The following AP2B1 variants were observed in gnomAD, a reference collection of about 807,000 sequenced individuals.
The protein encoded by AP2B1 is AP-2 complex subunit beta.
In AP2B1, 23 loss-of-function variants were observed where a neutral mutation model predicts 102.0. That is an observed-to-expected ratio of 0.23 (90% CI 0.16 to 0.32). The LOEUF (loss-of-function observed/expected upper bound fraction) is 0.32. AP2B1 is among the 10% of genes least tolerant of loss of function. The pLI is 1.00. For synonymous variants in AP2B1, 381 were observed against 421.2 expected, an observed-to-expected ratio of 0.90 and a Z score of 1.17; for missense variants, 541 against 1,157.4, an observed-to-expected ratio of 0.47 and a Z score of 7.73.
At position 35,670,833 on chromosome 17, in the gene AP2B1, C is replaced by G. The variant is rs749220726; in HGVS notation, c.1990-24C>G. ...GCTAAATGAACTCTACCTCTCTCTCCTCTCTCTCCTTTCTCTCTTTCAGCT... is the reference window on the plus strand; with the variant it reads ...GCTAAATGAACTCTACCTCTCTCTCGTCTCTCTCCTTTCTCTCTTTCAGCT... On this transcript the variant is annotated intron_variant, in intron 14 of 21. Coordinates refer to ENST00000610402, the MANE Select transcript of AP2B1 (RefSeq NM_001030006.2). 1.6e-5 allele frequency: 26 copies of G among 1,613,110 alleles called. 1 individual carries two copies. In the Middle Eastern group the frequency reaches 3.6e-3, roughly 224 times the overall value.
intron 5 of AP2B1, among the ~76,000 whole-genome samples, chr17:35,612,349 C>T (rs558065192): frequency 3.9e-5 from 6 of 152,302 alleles, no homozygotes; most frequent in South Asian, 4.1e-4. Flanking sequence ...CCTTGTTACA[C>T]ATACTCATAT....
intron 14 of AP2B1, chr17:35,659,818 T>G (rs1017874451): frequency 2.0e-6 from 2 of 985,438 alleles, no homozygotes; most frequent in Non-Finnish European, 2.4e-6. Context: ...GATTGAAAGA[T>G]ATCCCAGAAA....
At chr17:35,597,789 C>T (rs1468043200) in intron 2 of AP2B1, among the ~76,000 whole-genome samples, 1 of 152,210 alleles carries the variant, frequency 6.6e-6, no homozygotes, top group Non-Finnish European at 1.5e-5. Context: ...TTGTCACTGA[C>T]TCTGTGAACT....
chr17:35,678,528 G>A (rs934196622), intron 17 of AP2B1, among the ~76,000 whole-genome samples: 1 of 152,172 alleles, frequency 6.6e-6, no homozygotes, highest in Non-Finnish European at 1.5e-5. Context: ...GCTTGAGGAA[G>A]TTTCATTCTG....
chr17:35,598,366 T>C, intron 3 of AP2B1, 31 bp downstream of exon 3: 1 of 1,428,648 alleles, frequency 7.0e-7, no homozygotes, highest in Non-Finnish European at 9.7e-7. Flanking sequence ...CATTGATCAC[T>C]TCAGAGGTCC....
At chr17:35,672,559 T>C (rs1338977475) in intron 16 of AP2B1, among the ~76,000 whole-genome samples, 1 of 152,212 alleles carries the variant, frequency 6.6e-6, no homozygotes, top group Non-Finnish European at 1.5e-5. Context: ...TGACTCCTTA[T>C]GGGGGATCCC....
In AP2B1 at chr17:35,710,320, G is replaced by A; in HGVS notation, c.2626G>A (p.Asp876Asn). ...GATTAAGGAATGTCATTTAAATGCT[G>A]GTGAGTAATATACTCTAAATTTCAG... Reference protein sequence around the residue: ...FQIKECHLNADTVSSKLQNNN... With the variant: ...FQIKECHLNANTVSSKLQNNN... The change falls in exon 20 of 22, where the codon GAC becomes AAC. Residue 876 changes from aspartate to asparagine, a missense_variant and splice_region_variant. Coordinates refer to ENST00000610402, the MANE Select transcript of AP2B1 (RefSeq NM_001030006.2). The A allele has an allele frequency of 6.3e-7, 1 of 1,581,540 alleles. No individual in the cohort carries two copies. Among genetic ancestry groups the A allele is most frequent in the Non-Finnish European group, 8.7e-7 (1 of 1,150,948 alleles).
intron 20 of AP2B1, 81 bp downstream of exon 20, chr17:35,710,401 C>A (rs3760325): frequency 0.038 from 35,676 of 926,998 alleles, 1,458 homozygotes; most frequent in East Asian, 0.17. Context: ...CTTTTGCCTA[C>A]CCTTTTATCC....
intron 14 of AP2B1, among the ~76,000 whole-genome samples, chr17:35,659,447 A>C (rs964910155): frequency 3.3e-5 from 5 of 152,130 alleles, no homozygotes; most frequent in Non-Finnish European, 5.9e-5. Context: ...GCTCATGCCA[A>C]CTCCAAAACC....
intron 14 of AP2B1, among the ~76,000 whole-genome samples, chr17:35,665,115 T>C (rs1427825550): frequency 6.8e-6 from 1 of 148,124 alleles, no homozygotes; most frequent in African/African-American, 2.5e-5. Context: ...TTATGATGCT[T>C]TTTGGAATAG....
At chr17:35,711,614 G>T (rs1030631499) in intron 20 of AP2B1, among the ~76,000 whole-genome samples, 1 of 151,916 alleles carries the variant, frequency 6.6e-6, no homozygotes, top group Non-Finnish European at 1.5e-5. Context: ...GACTACAGGC[G>T]CCAGCCACCA....
At position 35,664,921 on chromosome 17, in the gene AP2B1, C is replaced by T. The variant is rs77449392; in HGVS notation, c.1990-5936C>T. On this transcript the variant is annotated intron_variant, in intron 14 of 21. Coordinates refer to ENST00000610402, the MANE Select transcript of AP2B1 (RefSeq NM_001030006.2). ...TTTTGTCTTACATCAGGAAGTAATC[C>T]GTTCCATCCCCCTACTTTTCCACTG... 7.2e-5 allele frequency among the ~76,000 whole-genome samples: 11 copies of T among 152,172 alleles called. No individual in the cohort carries two copies. In the East Asian group the frequency reaches 1.7e-3, roughly 24 times the overall value.
chr17:35,708,081 T>G (rs1382196832), intron 18 of AP2B1, among the ~76,000 whole-genome samples: 5 of 152,168 alleles, frequency 3.3e-5, no homozygotes, highest in African/African-American at 9.7e-5. Context: ...ATAGCCACAG[T>G]TTTAAGAGGT....
At chr17:35,672,133 G>A (rs1485410836) in intron 16 of AP2B1, among the ~76,000 whole-genome samples, 1 of 152,080 alleles carries the variant, frequency 6.6e-6, no homozygotes, top group Non-Finnish European at 1.5e-5. Flanking sequence ...AATTATTTGA[G>A]TTTTGTTCTC....
intron 5 of AP2B1, among the ~76,000 whole-genome samples, chr17:35,610,617 A>C (rs1044306645): frequency 5.3e-5 from 8 of 150,088 alleles, no homozygotes; most frequent in African/African-American, 1.7e-4. Flanking sequence ...TTTTTAAAAA[A>C]TTCGGTGGGG....
At chr17:35,666,637 A>G (rs938965497) in intron 14 of AP2B1, among the ~76,000 whole-genome samples, 4 of 152,210 alleles carry the variant, frequency 2.6e-5, no homozygotes, top group African/African-American at 4.8e-5. Flanking sequence ...GACACCTCCA[A>G]GAGACACTTA....
At chr17:35,659,321 G>A (rs1013131626) in intron 14 of AP2B1, among the ~76,000 whole-genome samples, 3 of 152,164 alleles carry the variant, frequency 2.0e-5, no homozygotes, top group Non-Finnish European at 4.4e-5. Flanking sequence ...CAAAGTTCAA[G>A]GGATAGAGGG....
chr17:35,674,456 C>A, intron 17 of AP2B1, 135 bp downstream of exon 17: 2 of 1,101,002 alleles, frequency 1.8e-6, no homozygotes, highest in South Asian at 3.3e-5. Flanking sequence ...ATAATCCCAG[C>A]ATTTGGGAGG....
At chr17:35,638,067 T>C (rs2074661104) in intron 10 of AP2B1, among the ~76,000 whole-genome samples, 2 of 152,200 alleles carry the variant, frequency 1.3e-5, no homozygotes, top group South Asian at 4.1e-4. Flanking sequence ...CACATACTCC[T>C]GGGCTTAAGT....
Sources: allele counts gnomAD v4.1 joint callset (sites outside exome capture counted in the v4.1 genomes callset), GRCh38; gene constraint gnomAD v4.1.1; transcripts MANE v1.5; gene names NCBI Gene and HGNC (gene_info 2026-07-23, HGNC 2026-07-21).